Variants in FSTL5 observed in about 807,000 individuals in gnomAD.
The protein encoded by FSTL5 is follistatin-related protein 5.
In FSTL5, 62 loss-of-function variants were observed where a neutral mutation model predicts 89.1. That is an observed-to-expected ratio of 0.70 (90% CI 0.57 to 0.86). FSTL5 has a LOEUF of 0.86. Ranked by LOEUF, FSTL5 falls within the 40% of genes least tolerant of loss-of-function variation. FSTL5 has a pLI of 0.00. For synonymous variants in FSTL5, 383 were observed against 346.2 expected, an observed-to-expected ratio of 1.11 and a Z score of -1.18; for missense variants, 1,057 against 1,001.6, an observed-to-expected ratio of 1.06 and a Z score of -0.75.
chr4:161,557,311 A>AT (rs1038605155), intron 8 of FSTL5, among the ~76,000 whole-genome samples: 58 of 151,608 alleles, frequency 3.8e-4, no homozygotes, highest in African/African-American at 1.3e-3. Flanking sequence ...ATTTTTCCTC[A>AT]TTTTTTATTA....
intron 6 of FSTL5, among the ~76,000 whole-genome samples, chr4:161,669,909 A>G (rs568135397): frequency 1.3e-5 from 2 of 152,268 alleles, no homozygotes; most frequent in East Asian, 3.9e-4. Context: ...ATTTAAATAT[A>G]TGTACACAAG....
chr4:162,024,983 C>A (rs1737225343), intron 3 of FSTL5, among the ~76,000 whole-genome samples: 2 of 151,992 alleles, frequency 1.3e-5, no homozygotes, highest in Admixed American at 1.3e-4. Context: ...ATTATAACGT[C>A]AAATTCGTAC....
intron 6 of FSTL5, among the ~76,000 whole-genome samples, chr4:161,659,097 A>AT (rs893856380): frequency 6.6e-6 from 1 of 152,142 alleles, no homozygotes; most frequent in Non-Finnish European, 1.5e-5. Flanking sequence ...TCTAAAATGT[A>AT]TTTTTTTAGA....
intron 7 of FSTL5, among the ~76,000 whole-genome samples, chr4:161,605,324 C>T (rs1734397351): frequency 6.6e-6 from 1 of 152,006 alleles, no homozygotes; most frequent in South Asian, 2.1e-4. Flanking sequence ...AACTGAGCCA[C>T]ATTGATACAT....
intron 15 of FSTL5, among the ~76,000 whole-genome samples, chr4:161,406,329 T>C (rs546215144): frequency 3.6e-4 from 55 of 152,314 alleles, no homozygotes; most frequent in African/African-American, 1.2e-3. Flanking sequence ...CGTCCAGCTT[T>C]CCTTCTTTTA....
At chr4:161,940,432 G>T (rs1018255945) in intron 3 of FSTL5, among the ~76,000 whole-genome samples, 2 of 151,450 alleles carry the variant, frequency 1.3e-5, no homozygotes, top group Non-Finnish European at 3.0e-5. Context: ...CACATCCAAT[G>T]AACGTTCTGA....
In FSTL5 at chr4:162,004,017, T is replaced by G. The variant is rs553907455; in HGVS notation, c.160+29608A>C. ...TTCATAAGTCAGAAAAATGTTGTTT[T>G]CATCATTTTCTACCACTTAATAGCT... On this transcript the variant is annotated intron_variant, in intron 3 of 15. Transcript: ENST00000306100. Among the ~76,000 whole-genome samples the G allele has an allele frequency of 1.3e-3, 205 of 152,292 alleles. 1 individual carries two copies. The highest frequency in any genetic ancestry group is 4.8e-3 in the African/African-American group (198 of 41,570).
At chr4:161,771,823 G>C (rs1049869032) in intron 5 of FSTL5, among the ~76,000 whole-genome samples, 13 of 152,232 alleles carry the variant, frequency 8.5e-5, no homozygotes, top group African/African-American at 2.9e-4. Flanking sequence ...CACTTTGGGA[G>C]TTTAAAATTT....
At chr4:161,413,190 T>A (rs914991488) in intron 15 of FSTL5, among the ~76,000 whole-genome samples, 1 of 132,166 alleles carries the variant, frequency 7.6e-6, no homozygotes, top group South Asian at 2.3e-4. Flanking sequence ...TCAGAATCTA[T>A]AGGGAACTTA....
intron 7 of FSTL5, among the ~76,000 whole-genome samples, chr4:161,638,409 A>G (rs1735813473): frequency 6.6e-6 from 1 of 152,288 alleles, no homozygotes; most frequent in East Asian, 1.9e-4. Context: ...GTCGTCTGCA[A>G]ACAGGGACAA....
At chr4:161,561,049 A>T (rs1732577772) in intron 8 of FSTL5, among the ~76,000 whole-genome samples, 1 of 151,936 alleles carries the variant, frequency 6.6e-6, no homozygotes, top group African/African-American at 2.4e-5. Flanking sequence ...TGAGTAATGC[A>T]TTGTACTGTG....
At chr4:161,667,674 C>A (rs1736950539) in intron 6 of FSTL5, among the ~76,000 whole-genome samples, 2 of 151,972 alleles carry the variant, frequency 1.3e-5, no homozygotes, top group African/African-American at 2.4e-5. Flanking sequence ...TTAACTTTCC[C>A]AACTGCCCTG....
chr4:161,918,394 T>C (rs1169145680), intron 4 of FSTL5, among the ~76,000 whole-genome samples: 1 of 152,158 alleles, frequency 6.6e-6, no homozygotes, highest in African/African-American at 2.4e-5. Flanking sequence ...CCAGACAGTA[T>C]AAATGAAATT....
At chr4:161,808,554 G>GA (rs1017748062) in intron 4 of FSTL5, among the ~76,000 whole-genome samples, 4 of 150,968 alleles carry the variant, frequency 2.6e-5, no homozygotes, top group East Asian at 2.0e-4. Flanking sequence ...ACTCTTAGAA[G>GA]AAAAAAAAGG....
intron 3 of FSTL5, among the ~76,000 whole-genome samples, chr4:162,011,175 T>C (rs1271846189): frequency 6.6e-6 from 1 of 152,170 alleles, no homozygotes; most frequent in Admixed American, 6.5e-5. Context: ...GTTGGGGGTT[T>C]GGAGTTAGGG....
At chr4:161,608,332 C>T (rs1318209395) in intron 7 of FSTL5, among the ~76,000 whole-genome samples, 1 of 152,112 alleles carries the variant, frequency 6.6e-6, no homozygotes, top group East Asian at 1.9e-4. Flanking sequence ...ATAATTGCTT[C>T]TAACAGTTCA....
At chr4:161,440,424 A>C (rs2126365943) in intron 15 of FSTL5, among the ~76,000 whole-genome samples, 1 of 152,194 alleles carries the variant, frequency 6.6e-6, no homozygotes, top group South Asian at 2.1e-4. Context: ...AAAAAGAAAA[A>C]AAAAAGGTCT....
chr4:161,787,175 A>T (rs1233404863), intron 4 of FSTL5, among the ~76,000 whole-genome samples: 1 of 152,140 alleles, frequency 6.6e-6, no homozygotes, highest in African/African-American at 2.4e-5. Context: ...GATAAATATA[A>T]TGAAAATGAC....
intron 3 of FSTL5, among the ~76,000 whole-genome samples, chr4:161,977,757 T>G (rs527327780): frequency 6.6e-6 from 1 of 151,622 alleles, no homozygotes; most frequent in Admixed American, 6.6e-5. Flanking sequence ...AAATTGGAAT[T>G]CAAATCCAAC....
Sources: allele counts gnomAD v4.1 joint callset (sites outside exome capture counted in the v4.1 genomes callset), GRCh38; gene constraint gnomAD v4.1.1; transcripts MANE v1.5; gene names NCBI Gene and HGNC (gene_info 2026-07-23, HGNC 2026-07-21).